CDC14A: variants seen among roughly 807,000 people sequenced by gnomAD.
CDC14A encodes the protein cell division cycle 14A.
In CDC14A, 53 loss-of-function variants were observed where a neutral mutation model predicts 74.4. That is an observed-to-expected ratio of 0.71 (90% CI 0.57 to 0.89). The LOEUF is 0.89. Among genes scored for constraint, CDC14A ranks in the 40% least tolerant of loss-of-function variants. CDC14A has a pLI of 0.00. For missense variants in CDC14A, 646 were observed against 713.7 expected (o/e 0.91, Z 1.08); for synonymous variants, 247 against 258.4 (o/e 0.96, Z 0.43).
rs1477500314 is a variant in CDC14A at position 100,470,308 on chromosome 1, A to G, written c.977+2214A>G. On this transcript the variant is annotated intron_variant, in intron 10 of 15. Transcript: ENST00000336454. The stretch of plus-strand genomic sequence containing the variant: ...TAGAAGGAAATTTCCTCATTCAGAT[A>G]AAAATAATCTATGAAAACTCTATAG... Among the ~76,000 whole-genome samples, 5 of 152,246 alleles carry G rather than the reference A, an allele frequency of 3.3e-5. No homozygotes were observed. In the East Asian group the frequency reaches 9.6e-4, roughly 29 times the overall value.
intron 10 of CDC14A, among the ~76,000 whole-genome samples, chr1:100,469,814 A>G (rs1668211093): frequency 6.6e-6 from 1 of 152,122 alleles, no homozygotes; most frequent in African/African-American, 2.4e-5. Context: ...CTCATGTTTC[A>G]TGGCTGCATA....
intron 4 of CDC14A, chr1:100,393,545 T>C: frequency 1.3e-6 from 1 of 752,076 alleles, no homozygotes; most frequent in Non-Finnish European, 2.5e-6. Flanking sequence ...AATCCAGGAC[T>C]GTCAGGTATC....
At chr1:100,402,895 C>CA (rs1659454486) in intron 4 of CDC14A, among the ~76,000 whole-genome samples, 1 of 152,194 alleles carries the variant, frequency 6.6e-6, no homozygotes, top group African/African-American at 2.4e-5. Context: ...TGTAGTGTTT[C>CA]AAATACACTA....
At chr1:100,434,553 G>T (rs1336781362) in intron 5 of CDC14A, among the ~76,000 whole-genome samples, 1 of 152,162 alleles carries the variant, frequency 6.6e-6, no homozygotes, top group Non-Finnish European at 1.5e-5. Context: ...GTGTAGGAAG[G>T]CAGTGGCAAT....
intron 10 of CDC14A, among the ~76,000 whole-genome samples, chr1:100,481,973 CTGCTT>C (rs1357289982): frequency 2.0e-5 from 3 of 152,196 alleles, no homozygotes; most frequent in African/African-American, 7.2e-5. Context: ...GCGTGAAGTG[CTGCTT>C]TTTCTCAAGA....
At chr1:100,478,799 C>T (rs1399041947) in intron 10 of CDC14A, among the ~76,000 whole-genome samples, 1 of 152,206 alleles carries the variant, frequency 6.6e-6, no homozygotes, top group African/African-American at 2.4e-5. Context: ...TCAGCTTCTA[C>T]TGAGTTGGAT....
Position 100,519,778 on chromosome 1 carries a change from AGTG to A in CDC14A, c.*1500_*1502del, listed in dbSNP as rs1650540371. The A allele has an allele frequency of 6.6e-6, 1 of 152,582 alleles. No individual in the cohort carries two copies. The highest frequency in any genetic ancestry group is 1.5e-5 in the Non-Finnish European group (1 of 67,982). 9.5% of individuals were successfully genotyped at this position (152,582 alleles called of 1,614,324 possible). On this transcript the variant is annotated 3_prime_UTR_variant, in exon 16 of 16. Transcript: ENST00000336454. ...GATTTAGGAATCAAAAACTAAAATA[AGTG>A]GAATTATGTATCTTTTCTAAAGTTA...
rs937466548 is a variant in CDC14A at position 100,364,382 on chromosome 1, A to AT, written c.140+10541dup. On this transcript the variant is annotated intron_variant, in intron 2 of 15. Coordinates refer to ENST00000336454, the MANE Select transcript of CDC14A (RefSeq NM_003672.4). ...GCCACCACACCCAGCTAATTTTTGT[A>AT]TTTTTTTTTTTAATAGAGACAGGGT... 2.8e-3 allele frequency among the ~76,000 whole-genome samples: 404 copies of AT among 144,310 alleles called. 3 individuals are homozygous for AT. The highest frequency in any genetic ancestry group is 0.016 in the East Asian group (80 of 4,962). 94.7% of individuals were successfully genotyped at this position (144,310 alleles called of 152,430 possible).
At chr1:100,345,928 T>A (rs1650376749) in intron 1 of CDC14A, among the ~76,000 whole-genome samples, 1 of 152,134 alleles carries the variant, frequency 6.6e-6, no homozygotes, top group Admixed American at 6.5e-5. Flanking sequence ...ATCCCAGCAC[T>A]TAGGGAGGCC....
At chr1:100,404,857 C>CA (rs1339204953) in intron 4 of CDC14A, among the ~76,000 whole-genome samples, 71 of 102,382 alleles carry the variant, frequency 6.9e-4, no homozygotes, top group African/African-American at 2.9e-3. Context: ...CAAAACAAAA[C>CA]AAAACAAAAA....
rs370363578 is a variant in CDC14A at position 100,443,120 on chromosome 1, T to G, written c.519+124T>G. The G allele has an allele frequency of 5.6e-4, 372 of 663,464 alleles. 7 individuals carry two copies. The South Asian group carries it at 5.9e-3, about 10-fold the overall frequency. 41.1% of individuals were successfully genotyped at this position (663,464 alleles called of 1,614,324 possible). A position where few individuals can be genotyped will look rare whatever the true frequency, so the allele number is the denominator to read the frequency against. On this transcript the variant is annotated intron_variant, in intron 7 of 15. Coordinates refer to ENST00000336454, the MANE Select transcript of CDC14A (RefSeq NM_003672.4). ...AAAAGCATTCTGGAGTTTTCCATAG[T>G]GGTCAGTTTTGTCCTTTCAGCCTTG...
intron 4 of CDC14A, chr1:100,393,375 A>G (rs1465423967): frequency 2.3e-6 from 2 of 883,578 alleles, no homozygotes; most frequent in Non-Finnish European, 1.9e-6. Context: ...TAACTAGGCC[A>G]TAGAATTGTT....
At chr1:100,424,190 G>A (rs757187597) in intron 4 of CDC14A, 32 bp from the exon 5 acceptor site, 6 of 1,494,660 alleles carry the variant, frequency 4.0e-6, no homozygotes, top group Non-Finnish European at 5.6e-6. Flanking sequence ...TCATTCTTGG[G>A]TGTTCTAAAT....
chr1:100,421,011 C>T (rs1662301145), intron 4 of CDC14A, among the ~76,000 whole-genome samples: 1 of 152,112 alleles, frequency 6.6e-6, no homozygotes, highest in Non-Finnish European at 1.5e-5. Context: ...ATGTTAAATG[C>T]TATATTATTA....
chr1:100,407,440 G>A (rs1054268969), intron 4 of CDC14A, among the ~76,000 whole-genome samples: 1 of 152,058 alleles, frequency 6.6e-6, no homozygotes, highest in East Asian at 1.9e-4. Flanking sequence ...TGTATTGCTA[G>A]GTATTTTATT....
At chr1:100,365,755 G>A (rs1279577138) in intron 2 of CDC14A, among the ~76,000 whole-genome samples, 1 of 152,144 alleles carries the variant, frequency 6.6e-6, no homozygotes, top group Non-Finnish European at 1.5e-5. Flanking sequence ...CTCATCTGAG[G>A]TTGGTATTTG....
In CDC14A at chr1:100,500,069, A is replaced by T. The variant is rs370864767; in HGVS notation, c.1755+807A>T. On this transcript the variant is annotated intron_variant, in intron 15 of 15. Coordinates refer to ENST00000336454, the MANE Select transcript of CDC14A (RefSeq NM_003672.4). ...GTAAACTCCTATTATGAATTACTTT[A>T]ATAACCTGTTTTGATTGCCTCTAGG... is the stretch of plus-strand genomic sequence containing the variant. Among the ~76,000 whole-genome samples, 18 of 152,188 alleles carry T rather than the reference A, an allele frequency of 1.2e-4. 1 individual carries two copies. Among genetic ancestry groups the T allele is most frequent in the Admixed American group, 1.0e-3 (16 of 15,280 alleles).
intron 4 of CDC14A, among the ~76,000 whole-genome samples, chr1:100,420,049 C>CAT (rs1290878145): frequency 7.0e-5 from 1 of 14,250 alleles, no homozygotes; most frequent in African/African-American, 2.8e-4. Flanking sequence ...CACACACACA[C>CAT]ACACACACAC....
chr1:100,433,028 A>G (rs1446762412), intron 5 of CDC14A, among the ~76,000 whole-genome samples: 3 of 150,780 alleles, frequency 2.0e-5, no homozygotes, highest in African/African-American at 4.9e-5. Flanking sequence ...GCTTGCTACC[A>G]CTCCTGTCTA....
Sources: allele counts gnomAD v4.1 joint callset (sites outside exome capture counted in the v4.1 genomes callset), GRCh38; gene constraint gnomAD v4.1.1; transcripts MANE v1.5; gene names NCBI Gene and HGNC (gene_info 2026-07-23, HGNC 2026-07-21).